Variants in MDGA2 observed in about 807,000 individuals in gnomAD.
MDGA2 encodes the protein MAM domain containing glycosylphosphatidylinositol anchor 2.
MDGA2 carries 40 observed loss-of-function variants against 117.8 expected under a neutral mutation model. That is an observed-to-expected ratio of 0.34 (90% CI 0.26 to 0.44). The LOEUF is 0.44. MDGA2 is among the 20% of genes least tolerant of loss of function. The probability of loss-of-function intolerance (pLI) is 1.00; values close to 1 mark genes in which losing one functional copy is unlikely to be tolerated. For missense variants in MDGA2, 1,123 were observed against 1,250.6 expected (o/e 0.90, Z 1.54); for synonymous variants, 452 against 439.0 (o/e 1.03, Z -0.37).
intron 2 of MDGA2, among the ~76,000 whole-genome samples, chr14:47,220,984 C>T (rs1439346686): frequency 1.3e-5 from 2 of 152,106 alleles, no homozygotes; most frequent in South Asian, 2.1e-4. Context: ...TCCCAACTAA[C>T]GAATTGTATC....
At chr14:46,933,443 T>C (rs1884656111) in intron 9 of MDGA2, among the ~76,000 whole-genome samples, 1 of 151,890 alleles carries the variant, frequency 6.6e-6, no homozygotes, top group Non-Finnish European at 1.5e-5. Flanking sequence ...AATACACAAA[T>C]TATTATTTTT....
In MDGA2 at chr14:47,585,534, G is replaced by A. The variant is rs953126144; in HGVS notation, c.280+88983C>T. The stretch of plus-strand genomic sequence containing the variant: ...GGGCTTATAAGAAAGTATGGCGTAC[G>A]GTAATGCGCAGGAAAGAGAGATATT... On this transcript the variant is annotated intron_variant, in intron 1 of 16. Coordinates refer to ENST00000399232, the MANE Select transcript of MDGA2 (RefSeq NM_001113498.3). Among the ~76,000 whole-genome samples the A allele has an allele frequency of 6.6e-5, 10 of 151,870 alleles. No homozygotes were observed. In the South Asian group the frequency reaches 8.3e-4, roughly 13 times the overall value.
At chr14:47,611,062 T>TA (rs1245113518) in intron 1 of MDGA2, among the ~76,000 whole-genome samples, 2 of 151,886 alleles carry the variant, frequency 1.3e-5, no homozygotes. Flanking sequence ...CCCAAATACT[T>TA]ACAGCCAACT....
At chr14:47,086,220 C>T (rs1411657580) in intron 6 of MDGA2, among the ~76,000 whole-genome samples, 1 of 150,602 alleles carries the variant, frequency 6.6e-6, no homozygotes, top group African/African-American at 2.4e-5. Context: ...CATTCTCATA[C>T]AGTTTTCAGA....
intron 8 of MDGA2, among the ~76,000 whole-genome samples, chr14:47,010,982 T>C (rs1465682360): frequency 1.3e-5 from 2 of 152,092 alleles, no homozygotes; most frequent in African/African-American, 4.8e-5. Flanking sequence ...AATGGCGTTT[T>C]ATTTTGTTAA....
At chr14:47,348,218 A>G (rs548113650) in intron 1 of MDGA2, among the ~76,000 whole-genome samples, 4 of 138,078 alleles carry the variant, frequency 2.9e-5, no homozygotes, top group Admixed American at 7.3e-5. Flanking sequence ...AAATCCTTAA[A>G]TTTTTTTTTT....
At chr14:47,593,199 C>G (rs1197926485) in intron 1 of MDGA2, among the ~76,000 whole-genome samples, 3 of 152,146 alleles carry the variant, frequency 2.0e-5, no homozygotes, top group African/African-American at 7.2e-5. Flanking sequence ...TCACGCCCGT[C>G]TGAATGGCAA....
rs1471078215 is a variant in MDGA2, at chr14:47,628,765, C to G, written c.280+45752G>C. ...CCCCTTCAAGAATGAAGATTTTTTT[C>G]CCCCCAGCTGGTGTGAGAGTTACAG... On this transcript the variant is annotated intron_variant, in intron 1 of 16. Transcript: ENST00000399232. Among the ~76,000 whole-genome samples the G allele has an allele frequency of 2.0e-5, 3 of 152,106 alleles. No individual in the cohort carries two copies. The East Asian group carries it at 5.8e-4, about 29-fold the overall frequency.
chr14:47,236,581 G>T (rs1404805431), intron 2 of MDGA2, among the ~76,000 whole-genome samples: 1 of 152,144 alleles, frequency 6.6e-6, no homozygotes, highest in Non-Finnish European at 1.5e-5. Flanking sequence ...CTTCTCAAAT[G>T]CTTCCCTAGT....
intron 1 of MDGA2, among the ~76,000 whole-genome samples, chr14:47,468,767 G>T (rs1893656557): frequency 1.3e-5 from 2 of 151,916 alleles, no homozygotes; most frequent in African/African-American, 4.8e-5. Flanking sequence ...ACCTCTTTTG[G>T]ATATAATGGA....
At chr14:46,862,971 A>T (rs1372650953) in intron 14 of MDGA2, among the ~76,000 whole-genome samples, 1 of 152,072 alleles carries the variant, frequency 6.6e-6, no homozygotes, top group African/African-American at 2.4e-5. Context: ...GCACAGGTGA[A>T]TTTGTACATT....
At position 47,457,428 on chromosome 14, in the gene MDGA2, A is replaced by T. The variant is rs150649201; in HGVS notation, c.281-155878T>A. ...CATTACCCTTCGTAAATTAAAATAC[A>T]ATTGAGAATTAAGGCATGAAGAAAT... On this transcript the variant is annotated intron_variant, in intron 1 of 16. Transcript: ENST00000399232. Among the ~76,000 whole-genome samples the T allele has an allele frequency of 7.0e-3, 1,062 of 152,322 alleles. 12 individuals are homozygous for T. Among genetic ancestry groups the T allele is most frequent in the African/African-American group, 0.024 (1,014 of 41,584 alleles).
intron 8 of MDGA2, among the ~76,000 whole-genome samples, chr14:46,980,441 G>A (rs1315884006): frequency 6.6e-6 from 1 of 152,166 alleles, no homozygotes; most frequent in Non-Finnish European, 1.5e-5. Flanking sequence ...AAGATGCCGT[G>A]AACATTGTTG....
At chr14:47,204,826 T>C (rs1214865273) in intron 3 of MDGA2, among the ~76,000 whole-genome samples, 1 of 151,986 alleles carries the variant, frequency 6.6e-6, no homozygotes, top group Non-Finnish European at 1.5e-5. Context: ...ACATTATATA[T>C]TCTAAAACAA....
intron 3 of MDGA2, among the ~76,000 whole-genome samples, chr14:47,199,997 GCAA>G: frequency 7.0e-6 from 1 of 143,782 alleles, no homozygotes; most frequent in African/African-American, 2.6e-5. Context: ...TAAACCAAAT[GCAA>G]TGAATAAGGG....
At chr14:47,063,379 A>G (rs1889962808) in intron 6 of MDGA2, among the ~76,000 whole-genome samples, 2 of 151,958 alleles carry the variant, frequency 1.3e-5, no homozygotes, top group Admixed American at 1.3e-4. Flanking sequence ...TGAAATTAGG[A>G]TACATTTTGG....
chr14:47,237,378 T>C (rs1886899064), intron 2 of MDGA2, among the ~76,000 whole-genome samples: 1 of 152,148 alleles, frequency 6.6e-6, no homozygotes, highest in Non-Finnish European at 1.5e-5. Flanking sequence ...AAACTTACCT[T>C]TATACCTCTG....
chr14:47,609,428 C>CATATGTATATAT (rs1896800010), intron 1 of MDGA2, among the ~76,000 whole-genome samples: 2 of 17,558 alleles, frequency 1.1e-4, no homozygotes, highest in Non-Finnish European at 2.8e-4. Flanking sequence ...AGTATTCCAT[C>CATATGTATATAT]ATATATATAT....
At chr14:47,237,323 G>A (rs1182862279) in intron 2 of MDGA2, among the ~76,000 whole-genome samples, 2 of 152,108 alleles carry the variant, frequency 1.3e-5, no homozygotes, top group Non-Finnish European at 2.9e-5. Context: ...CAACACTTAT[G>A]AGCCGCATTT....
Sources: allele counts gnomAD v4.1 joint callset (sites outside exome capture counted in the v4.1 genomes callset), GRCh38; gene constraint gnomAD v4.1.1; transcripts MANE v1.5; gene names NCBI Gene and HGNC (gene_info 2026-07-23, HGNC 2026-07-21).